PDE8B: variants seen among roughly 807,000 people sequenced by gnomAD.
The protein encoded by PDE8B is phosphodiesterase 8B, also known as high affinity cAMP-specific and IBMX-insensitive 3',5'-cyclic phosphodiesterase 8B.
Under a neutral mutation model 101.3 loss-of-function variants are expected in PDE8B, and 26 were observed. The observed-to-expected ratio is 0.26, with a 90% CI of 0.19 to 0.36. PDE8B has a LOEUF of 0.36. PDE8B is among the 10% of genes least tolerant of loss of function. The pLI, the probability that PDE8B is intolerant of heterozygous loss-of-function variation, is 1.00. For missense variants in PDE8B, 810 were observed against 1,163.1 expected, an observed-to-expected ratio of 0.70 and a Z score of 4.42; for synonymous variants, 424 against 429.3, an observed-to-expected ratio of 0.99 and a Z score of 0.15.
chr5:77,398,782 C>T (rs1289376972), intron 10 of PDE8B, among the ~76,000 whole-genome samples: 1 of 152,208 alleles, frequency 6.6e-6, no homozygotes, highest in Non-Finnish European at 1.5e-5. Flanking sequence ...CCCACACTCA[C>T]GGGGTGGTCC....
rs548049805 is a variant in PDE8B, at chr5:77,269,591, C to T, written c.340-42403C>T. Among the ~76,000 whole-genome samples, 77 of 152,152 alleles carry T rather than the reference C, an allele frequency of 5.1e-4. 1 individual carries two copies. The highest frequency in any genetic ancestry group is 1.7e-3 in the African/African-American group (70 of 41,510). On this transcript the variant is annotated intron_variant, in intron 1 of 21. Coordinates refer to ENST00000264917, the MANE Select transcript of PDE8B (RefSeq NM_003719.5). ...GAGTTTCCCCAGTGTTTTCTTTTAA[C>T]GGTTTCATAGTTTGAGGTCTTAGAT...
the PDE8B span, chr5:77,118,838 C>G: frequency 6.5e-6 from 1 of 154,128 alleles, no homozygotes; most frequent in South Asian, 2.1e-4. Flanking sequence ...GCCCTTTTCA[C>G]AGGGGTGGGG....
chr5:77,183,369 C>G, the PDE8B span, among the ~76,000 whole-genome samples: 1 of 152,080 alleles, frequency 6.6e-6, no homozygotes, highest in African/African-American at 2.4e-5. Context: ...CCACCCGCCT[C>G]GGCCTCCCAA....
chr5:77,392,153 G>A (rs998061167), intron 10 of PDE8B, among the ~76,000 whole-genome samples: 5 of 152,180 alleles, frequency 3.3e-5, no homozygotes, highest in Non-Finnish European at 7.3e-5. Context: ...GAGCAGAAGA[G>A]TTGGTAGAAA....
At chr5:77,341,059 G>C (rs1779134051) in intron 6 of PDE8B, among the ~76,000 whole-genome samples, 2 of 152,058 alleles carry the variant, frequency 1.3e-5, no homozygotes, top group Non-Finnish European at 2.9e-5. Flanking sequence ...GAGTTATATG[G>C]TTCCCAAGAA....
intron 10 of PDE8B, among the ~76,000 whole-genome samples, chr5:77,393,871 G>A (rs995139304): frequency 6.7e-6 from 1 of 150,352 alleles, no homozygotes; most frequent in Non-Finnish European, 1.5e-5. Flanking sequence ...AACCTTGTAA[G>A]GAACCATTTA....
chr5:77,210,074 G>C (rs1288736384), upstream of PDE8B, among the ~76,000 whole-genome samples: 1 of 152,186 alleles, frequency 6.6e-6, no homozygotes, highest in African/African-American at 2.4e-5. The surrounding 1 kb of genome is among the most constrained non-coding windows in gnomAD (Gnocchi z 4.9). Flanking sequence ...CAAATGCGGT[G>C]GGTGGGCCTG....
At chr5:77,224,725 G>A (rs1298169328) in intron 1 of PDE8B, among the ~76,000 whole-genome samples, 1 of 152,086 alleles carries the variant, frequency 6.6e-6, no homozygotes, top group African/African-American at 2.4e-5. Flanking sequence ...TCTAGCTATT[G>A]CAATCAATTG....
At chr5:77,187,012 T>C in the PDE8B span, among the ~76,000 whole-genome samples, 1 of 152,238 alleles carries the variant, frequency 6.6e-6, no homozygotes, top group African/African-American at 2.4e-5. Context: ...TTCTTATAAA[T>C]TGCTGTCAGC....
chr5:77,186,418 T>C, the PDE8B span, among the ~76,000 whole-genome samples: 1 of 152,170 alleles, frequency 6.6e-6, no homozygotes, highest in African/African-American at 2.4e-5. Flanking sequence ...AAGCAGCATT[T>C]CAGTTTTTCT....
rs184366785 is a variant in PDE8B, at chr5:77,229,733, G to A, written c.339+18469G>A. ...TCTGGCTTCTTTCAGTTAGCATGAT[G>A]TTTCATGGTTCATTCTCATTGAAGT... On this transcript the variant is annotated intron_variant, in intron 1 of 21. Coordinates refer to ENST00000264917, the MANE Select transcript of PDE8B (RefSeq NM_003719.5). Among the ~76,000 whole-genome samples the A allele has an allele frequency of 7.5e-4, 114 of 152,282 alleles. No homozygotes were observed. The East Asian group carries it at 0.02, about 27-fold the overall frequency.
At chr5:77,123,506 C>G in the PDE8B span, among the ~76,000 whole-genome samples, 12 of 152,026 alleles carry the variant, frequency 7.9e-5, no homozygotes, top group Admixed American at 2.0e-4. Flanking sequence ...ACCTGTAATC[C>G]CAGCACTTTG....
chr5:77,402,741 T>C (rs1581505574), intron 11 of PDE8B, among the ~76,000 whole-genome samples: 1 of 152,236 alleles, frequency 6.6e-6, no homozygotes, highest in Non-Finnish European at 1.5e-5. Context: ...ATAAATGAGA[T>C]GCTATCATTA....
intron 1 of PDE8B, among the ~76,000 whole-genome samples, chr5:77,278,558 C>G (rs908478787): frequency 6.6e-6 from 1 of 152,122 alleles, no homozygotes; most frequent in Non-Finnish European, 1.5e-5. Context: ...CAAGCTCTGC[C>G]TCCCGGGTTC....
rs1474226787 is a variant in PDE8B, at chr5:77,407,363, T to C, written c.1289-18T>C. On this transcript the variant is annotated intron_variant, in intron 12 of 21. Transcript: ENST00000264917. The stretch of plus-strand genomic sequence containing the variant: ...TGAGCCACCGGAACTGGACACAGCT[T>C]TCTTGCCTTCTCTCCAGCACCAAGC... The C allele has an allele frequency of 6.2e-7, 1 of 1,611,196 alleles. No homozygotes were observed. Among genetic ancestry groups the C allele is most frequent in the South Asian group, 1.1e-5 (1 of 91,032 alleles).
chr5:77,190,499 A>T, the PDE8B span, among the ~76,000 whole-genome samples: 1 of 152,330 alleles, frequency 6.6e-6, no homozygotes, highest in East Asian at 1.9e-4. Context: ...TAGAAGAGAA[A>T]AGGACGTCTA....
chr5:77,267,352 A>G (rs1247143220), intron 1 of PDE8B, among the ~76,000 whole-genome samples: 1 of 151,702 alleles, frequency 6.6e-6, no homozygotes, highest in Non-Finnish European at 1.5e-5. Context: ...AGGCAGGAGA[A>G]TTGCTTGAAC....
the PDE8B span, among the ~76,000 whole-genome samples, chr5:77,109,036 G>A: frequency 6.6e-6 from 1 of 152,152 alleles, no homozygotes; most frequent in Non-Finnish European, 1.5e-5. Context: ...GGGTTTGGTT[G>A]GTTGCCTCTG....
intron 10 of PDE8B, among the ~76,000 whole-genome samples, chr5:77,375,805 A>C (rs917064742): frequency 3.9e-5 from 6 of 152,144 alleles, no homozygotes; most frequent in African/African-American, 1.4e-4. Flanking sequence ...ACTTTAAAAA[A>C]ATTATAAATG....
Sources: gnomAD v4.1 joint callset for allele counts (sites outside exome capture counted in the v4.1 genomes callset) on GRCh38, gnomAD v4.1.1 for gene constraint, Gnocchi (gnomAD v3.1) non-coding constraint, MANE v1.5 for transcripts, NCBI Gene and HGNC (gene_info 2026-07-23, HGNC 2026-07-21) for gene names.